Variants in ADGRL3 observed in about 807,000 individuals in gnomAD.
ADGRL3 encodes the protein adhesion G protein-coupled receptor L3, also known as calcium-independent alpha-latrotoxin receptor 3.
ADGRL3 carries 62 observed loss-of-function variants against 153.5 expected under a neutral mutation model. The ratio of observed to expected loss-of-function variants is 0.40; its 90% CI spans 0.33 to 0.50. The LOEUF (loss-of-function observed/expected upper bound fraction) is 0.50, where lower values mean the gene tolerates loss of function less well. Among genes scored for constraint, ADGRL3 ranks in the 20% least tolerant of loss-of-function variants. The probability of loss-of-function intolerance (pLI) is 0.47; values close to 1 mark genes in which losing one functional copy is unlikely to be tolerated. For missense variants in ADGRL3, 1,641 were observed against 1,859.4 expected, an observed-to-expected ratio of 0.88 and a Z score of 2.16; for synonymous variants, 710 against 672.5, an observed-to-expected ratio of 1.06 and a Z score of -0.86.
At chr4:61,350,838 T>C (rs1468797574) in intron 1 of ADGRL3, among the ~76,000 whole-genome samples, 8 of 152,092 alleles carry the variant, frequency 5.3e-5, no homozygotes, top group Admixed American at 5.2e-4. Context: ...GTCTCCCTTC[T>C]TTTCCCCCCT....
chr4:62,013,100 A>G (rs1157957344), intron 21 of ADGRL3, among the ~76,000 whole-genome samples: 1 of 152,164 alleles, frequency 6.6e-6, no homozygotes, highest in Non-Finnish European at 1.5e-5. Flanking sequence ...TTTTTCAAGA[A>G]ACTAGGAAAT....
Position 61,765,661 on chromosome 4 carries a change from G to A in ADGRL3, c.1399+32107G>A, listed in dbSNP as rs140994144. Among the ~76,000 whole-genome samples the A allele has an allele frequency of 8.2e-3, 1,244 of 152,160 alleles. 27 individuals carry two copies. Among genetic ancestry groups the A allele is most frequent in the African/African-American group, 0.028 (1,169 of 41,462 alleles). On this transcript the variant is annotated intron_variant, in intron 8 of 26. Transcript: ENST00000683033. The stretch of plus-strand genomic sequence containing the variant: ...CTGACAGAAGGGAATAAATGACTGC[G>A]GTGGCCTTCTCACACCCTGTACACA...
chr4:61,733,146 A>G lies in ADGRL3; in HGVS notation c.991A>G (p.Ile331Val), dbSNP rs1181697301. Reference protein sequence around the residue: ...SPYRWGGKSDIDLAVDENGLW... With the variant: ...SPYRWGGKSDVDLAVDENGLW... The stretch of plus-strand genomic sequence containing the variant: ...TTACCGATGGGGAGGCAAATCTGAC[A>G]TAGACCTGGCAGTAGATGAGAATGG... Residue 331 changes from isoleucine to valine, a missense_variant, in exon 8 of 27, where the codon ATA becomes GTA. Coordinates refer to ENST00000683033, the MANE Select transcript of ADGRL3 (RefSeq NM_001387552.1). 6.2e-7 allele frequency: 1 copy of G among 1,613,222 alleles called. No homozygotes were observed. Among genetic ancestry groups the G allele is most frequent in the Non-Finnish European group, 8.5e-7 (1 of 1,179,644 alleles).
intron 3 of ADGRL3, among the ~76,000 whole-genome samples, chr4:61,497,682 A>ATTT (rs71211389): frequency 5.0e-5 from 7 of 138,970 alleles, no homozygotes; most frequent in East Asian, 4.2e-4. Flanking sequence ...CGCCTGGCTA[A>ATTT]TTTTTTTTTT....
rs142941627 is a variant in ADGRL3 at position 61,491,192 on chromosome 4, A to C, written c.-173-5929A>C. 2.5e-3 allele frequency among the ~76,000 whole-genome samples: 385 copies of C among 152,156 alleles called. 1 individual carries two copies. The highest frequency in any genetic ancestry group is 8.8e-3 in the African/African-American group (367 of 41,514). ...CATGTAGAACCACTTTTGGAACGATAATTTTTTTGTGAGAGATGTCCTCTG... is the reference window on the plus strand; with the variant it reads ...CATGTAGAACCACTTTTGGAACGATCATTTTTTTGTGAGAGATGTCCTCTG... On this transcript the variant is annotated intron_variant, in intron 2 of 26. Transcript: ENST00000683033.
At chr4:62,063,687 T>C in intron 25 of ADGRL3, 1 of 596,550 alleles carries the variant, frequency 1.7e-6, no homozygotes, top group Non-Finnish European at 3.1e-6. Context: ...TTTATGTAGG[T>C]TTTATGGGCA....
chr4:61,829,773 A>G (rs1490529491), intron 9 of ADGRL3, among the ~76,000 whole-genome samples: 2 of 152,194 alleles, frequency 1.3e-5, no homozygotes, highest in Non-Finnish European at 2.9e-5. Context: ...TCAAAGCAAT[A>G]GGTACAAAAG....
intron 2 of ADGRL3, among the ~76,000 whole-genome samples, chr4:61,456,384 T>TATATAG (rs1560664000): frequency 8.7e-6 from 1 of 115,100 alleles, no homozygotes; most frequent in South Asian, 2.8e-4. Flanking sequence ...TCTATATATA[T>TATATAG]ATATAGATAT....
chr4:61,607,405 T>A (rs1579821666), intron 5 of ADGRL3, among the ~76,000 whole-genome samples: 3 of 152,282 alleles, frequency 2.0e-5, no homozygotes, highest in South Asian at 2.1e-4. Flanking sequence ...AAGACCAGCC[T>A]GACCAATATG....
At chr4:62,032,336 A>T (rs12499940) in intron 23 of ADGRL3, among the ~76,000 whole-genome samples, 16,732 of 151,346 alleles carry the variant, frequency 0.11, 1,218 homozygotes, top group East Asian at 0.28. Flanking sequence ...TTTTTTTAAA[A>T]TCCCCAGATT....
At chr4:61,436,840 A>G (rs2097452857) in intron 2 of ADGRL3, among the ~76,000 whole-genome samples, 1 of 151,920 alleles carries the variant, frequency 6.6e-6, no homozygotes, top group Non-Finnish European at 1.5e-5. Flanking sequence ...GTTACTGTTC[A>G]TATACAGAGA....
intron 2 of ADGRL3, among the ~76,000 whole-genome samples, chr4:61,417,000 A>G (rs1314446258): frequency 6.6e-6 from 1 of 152,130 alleles, no homozygotes; most frequent in Non-Finnish European, 1.5e-5. Context: ...AGAAACAGGC[A>G]GCCTAGATCC....
rs1745372525 is a variant in ADGRL3 at position 62,070,717 on chromosome 4, TGTG to T, written c.4445_4447del (p.Gly1482del). 1.3e-6 allele frequency: 2 copies of T among 1,551,460 alleles called. No individual in the cohort carries two copies. The highest frequency in any genetic ancestry group is 2.4e-5 in the East Asian group (1 of 40,894). ...CCAGACCGAACCCCCACCGGCCAAA[TGTG>T]GTGATGCCGAAGATGTTTACTACAA... On this transcript the variant is annotated inframe_deletion, in exon 27 of 27. Coordinates refer to ENST00000683033, the MANE Select transcript of ADGRL3 (RefSeq NM_001387552.1).
chr4:61,726,550 A>G (rs965641332), intron 6 of ADGRL3, among the ~76,000 whole-genome samples: 6 of 151,974 alleles, frequency 3.9e-5, no homozygotes, highest in Non-Finnish European at 8.8e-5. Flanking sequence ...AACCTATAGT[A>G]TTGTGAGCTT....
intron 10 of ADGRL3, 95 bp downstream of exon 10, chr4:61,893,053 C>T (rs1283465797): frequency 1.9e-5 from 12 of 615,998 alleles, no homozygotes; most frequent in African/African-American, 3.9e-5. Context: ...TTTCCTCCCT[C>T]CCTCCCTTCC....
At chr4:61,521,228 C>G (rs1177190541) in intron 4 of ADGRL3, among the ~76,000 whole-genome samples, 1 of 152,046 alleles carries the variant, frequency 6.6e-6, no homozygotes, top group Non-Finnish European at 1.5e-5. Flanking sequence ...ACCTAACAGA[C>G]AAGTAGTAGT....
At chr4:61,532,551 CGCGCGT>C (rs1359133992) in intron 4 of ADGRL3, among the ~76,000 whole-genome samples, 153 of 130,250 alleles carry the variant, frequency 1.2e-3, no homozygotes, top group African/African-American at 4.3e-3. Context: ...CGCGCGCGCG[CGCGCGT>C]GTGTGTGTGT....
chr4:61,441,130 GTATT>G (rs2097524171), intron 2 of ADGRL3, among the ~76,000 whole-genome samples: 1 of 151,930 alleles, frequency 6.6e-6, no homozygotes, highest in Non-Finnish European at 1.5e-5. Flanking sequence ...TAAATTATTG[GTATT>G]TATTATCTTT....
intron 5 of ADGRL3, among the ~76,000 whole-genome samples, chr4:61,655,201 G>A (rs1390136615): frequency 2.6e-5 from 4 of 152,038 alleles, no homozygotes; most frequent in Admixed American, 6.6e-5. Context: ...TCTACACTAC[G>A]TAGATGAGTT....
Sources: gnomAD v4.1 joint callset for allele counts (sites outside exome capture counted in the v4.1 genomes callset) on GRCh38, gnomAD v4.1.1 for gene constraint, MANE v1.5 for transcripts, NCBI Gene and HGNC (gene_info 2026-07-23, HGNC 2026-07-21) for gene names.